The following KCNQ5 variants were observed in gnomAD, a reference collection of about 807,000 sequenced individuals.
The protein encoded by KCNQ5 is potassium voltage-gated channel subfamily Q member 5.
Under a neutral mutation model 98.2 loss-of-function variants are expected in KCNQ5, and 30 were observed. The ratio of observed to expected loss-of-function variants is 0.31; its 90% confidence interval spans 0.23 to 0.41. The LOEUF is 0.41. Ranked by LOEUF, KCNQ5 falls within the 10% of genes least tolerant of loss-of-function variation. KCNQ5 has a pLI of 1.00. For synonymous variants in KCNQ5, 458 were observed against 449.4 expected (o/e 1.02, Z -0.24); for missense variants, 835 against 1,182.5 (o/e 0.71, Z 4.31).
At position 72,860,192 on chromosome 6, in the gene KCNQ5, G is replaced by A. The variant is rs151275116; in HGVS notation, c.399-143716G>A. Among the ~76,000 whole-genome samples the A allele has an allele frequency of 4.2e-3, 637 of 152,282 alleles. 7 individuals carry two copies. Among genetic ancestry groups the A allele is most frequent in the African/African-American group, 0.014 (592 of 41,568 alleles). On this transcript the variant is annotated intron_variant, in intron 1 of 13. Transcript: ENST00000370398. ...TCCTGATGCTAAGTGTCACAAGCAC[G>A]ATGACACTTCTCCAGCCCTATTTCC...
intron 1 of KCNQ5, among the ~76,000 whole-genome samples, chr6:72,972,551 T>C (rs1767954996): frequency 6.6e-6 from 1 of 151,838 alleles, no homozygotes; most frequent in Non-Finnish European, 1.5e-5. Flanking sequence ...TGTTCATGTG[T>C]TCTCAATGTT....
At chr6:72,834,831 A>G (rs139732713) in intron 1 of KCNQ5, among the ~76,000 whole-genome samples, 4 of 152,090 alleles carry the variant, frequency 2.6e-5, no homozygotes, top group African/African-American at 2.4e-5. Flanking sequence ...TCTCAGATGG[A>G]ATGTAGAAAA....
chr6:72,684,374 A>G (rs1381567931), intron 1 of KCNQ5, among the ~76,000 whole-genome samples: 1 of 152,206 alleles, frequency 6.6e-6, no homozygotes, highest in Non-Finnish European at 1.5e-5. Context: ...CTACACCGAC[A>G]AAGTATTGTG....
intron 1 of KCNQ5, among the ~76,000 whole-genome samples, chr6:72,947,836 G>A (rs1399209162): frequency 6.6e-6 from 1 of 152,106 alleles, no homozygotes. Flanking sequence ...ACAGATAAGT[G>A]ACATGAAGAT....
intron 1 of KCNQ5, among the ~76,000 whole-genome samples, chr6:72,904,623 A>C (rs970409988): frequency 1.3e-5 from 2 of 152,108 alleles, no homozygotes; most frequent in Non-Finnish European, 2.9e-5. Context: ...TCATATATGA[A>C]GCTTAGTTTC....
intron 9 of KCNQ5, chr6:73,129,647 C>T (rs1002168217): frequency 3.2e-6 from 2 of 633,194 alleles, no homozygotes; most frequent in Non-Finnish European, 5.4e-6. Flanking sequence ...AATTAAACAA[C>T]ATAGTACTCT....
intron 1 of KCNQ5, among the ~76,000 whole-genome samples, chr6:72,759,545 T>C (rs1197664551): frequency 6.6e-6 from 1 of 152,134 alleles, no homozygotes; most frequent in East Asian, 1.9e-4. Flanking sequence ...ACTCAGGTTT[T>C]GCCTGTATGT....
At chr6:72,812,950 T>A (rs768312043) in intron 1 of KCNQ5, among the ~76,000 whole-genome samples, 1 of 152,244 alleles carries the variant, frequency 6.6e-6, no homozygotes, top group Admixed American at 6.5e-5. Context: ...ATTTCCCTGA[T>A]TGATTTATAA....
At chr6:72,912,772 T>C (rs1036858107) in intron 1 of KCNQ5, among the ~76,000 whole-genome samples, 1 of 152,254 alleles carries the variant, frequency 6.6e-6, no homozygotes, top group African/African-American at 2.4e-5. Context: ...TTTGTTGTAT[T>C]TAAAAACATT....
chr6:73,121,868 C>G (rs746363922), intron 8 of KCNQ5, among the ~76,000 whole-genome samples: 2 of 152,166 alleles, frequency 1.3e-5, no homozygotes. Flanking sequence ...CAAGATGATT[C>G]CTAAGCTCTA....
At chr6:72,776,672 T>C (rs181290364) in intron 1 of KCNQ5, among the ~76,000 whole-genome samples, 49 of 152,210 alleles carry the variant, frequency 3.2e-4, no homozygotes, top group East Asian at 2.9e-3. Context: ...CATAATAAAT[T>C]TGTGGGAGAG....
At chr6:72,629,589 A>C (rs2098919724) in intron 1 of KCNQ5, among the ~76,000 whole-genome samples, 1 of 152,234 alleles carries the variant, frequency 6.6e-6, no homozygotes, top group South Asian at 2.1e-4. Flanking sequence ...GATAGCCAGC[A>C]GCCTTCTGAA....
At chr6:72,768,269 A>G (rs569984381) in intron 1 of KCNQ5, among the ~76,000 whole-genome samples, 3 of 151,970 alleles carry the variant, frequency 2.0e-5, no homozygotes, top group Admixed American at 2.0e-4. Context: ...ATGACTGACT[A>G]TTGAGTTTGG....
intron 1 of KCNQ5, among the ~76,000 whole-genome samples, chr6:72,723,967 G>T (rs933993097): frequency 6.6e-5 from 10 of 152,022 alleles, no homozygotes; most frequent in African/African-American, 2.2e-4. Flanking sequence ...CACTTCCATT[G>T]TCTGCTAATG....
chr6:72,623,075 A>G (rs1332588153), intron 1 of KCNQ5, among the ~76,000 whole-genome samples: 1 of 152,018 alleles, frequency 6.6e-6, no homozygotes, highest in Non-Finnish European at 1.5e-5. Flanking sequence ...GGGGCGGAGT[A>G]GGGGAAGCTG....
chr6:72,987,548 C>T (rs1768847124), intron 1 of KCNQ5: 2 of 653,774 alleles, frequency 3.1e-6, no homozygotes, highest in South Asian at 1.4e-5. Flanking sequence ...CCCCGCAGCA[C>T]GATTGCAAGG....
intron 1 of KCNQ5, among the ~76,000 whole-genome samples, chr6:72,661,323 T>C (rs1766513426): frequency 6.6e-6 from 1 of 152,102 alleles, no homozygotes; most frequent in African/African-American, 2.4e-5. Flanking sequence ...TAAAACTATC[T>C]CCATAGTTTT....
intron 1 of KCNQ5, among the ~76,000 whole-genome samples, chr6:72,750,710 A>T (rs1016954616): frequency 6.6e-6 from 1 of 152,062 alleles, no homozygotes; most frequent in Non-Finnish European, 1.5e-5. Context: ...AAATGCTTTG[A>T]ATAATTAAAT....
intron 5 of KCNQ5, among the ~76,000 whole-genome samples, chr6:73,084,265 T>A (rs1209992823): frequency 1.3e-5 from 2 of 152,242 alleles, no homozygotes; most frequent in African/African-American, 4.8e-5. Context: ...ATTTATTTAA[T>A]GTTGGATTCC....
Sources: gnomAD v4.1 joint callset for allele counts (sites outside exome capture counted in the v4.1 genomes callset) on GRCh38, gnomAD v4.1.1 for gene constraint, MANE v1.5 for transcripts, NCBI Gene and HGNC (gene_info 2026-07-23, HGNC 2026-07-21) for gene names.